Variants in GRM8 observed in about 807,000 individuals in gnomAD.
The protein encoded by GRM8 is metabotropic glutamate receptor 8.
GRM8 carries 47 observed loss-of-function variants against 87.2 expected under a neutral mutation model. That is an observed-to-expected ratio of 0.54 (90% confidence interval 0.43 to 0.69). GRM8 has a LOEUF of 0.69. Among genes scored for constraint, GRM8 ranks in the 30% least tolerant of loss-of-function variants. The pLI, the probability that GRM8 is intolerant of heterozygous loss-of-function variation, is 0.00. For missense variants in GRM8, 1,019 were observed against 1,139.2 expected (o/e 0.89, Z 1.52); for synonymous variants, 396 against 404.5 (o/e 0.98, Z 0.25).
chr7:126,533,054 A>T lies in GRM8; in HGVS notation c.2328T>A (p.Thr776=). 6.2e-7 allele frequency: 1 copy of T among 1,613,630 alleles called. No individual in the cohort carries two copies. The highest frequency in any genetic ancestry group is 1.1e-5 in the South Asian group (1 of 91,064). ...YAIKTRGVPE[T]FNEAKPIGFT... is the part of the protein sequence containing the mutation. ...ATCCAATAGGTTTGGCTTCATTGAA[A>T]GTCTCTGGGACACCTCTCGTTTTAA... Residue 776 remains threonine (T), a synonymous_variant, in exon 9 of 11, where the codon ACT becomes ACA. Transcript: ENST00000339582.
At chr7:126,971,157 TAAAAAA>T (rs71177581) in intron 3 of GRM8, among the ~76,000 whole-genome samples, 62 of 100,246 alleles carry the variant, frequency 6.2e-4, no homozygotes, top group Admixed American at 1.5e-3. Flanking sequence ...TTTCAATTTG[TAAAAAA>T]AAAAAAAAAA....
chr7:127,081,584 G>A (rs1234938882), intron 3 of GRM8, among the ~76,000 whole-genome samples: 1 of 151,984 alleles, frequency 6.6e-6, no homozygotes, highest in East Asian at 1.9e-4. Flanking sequence ...GCCTTCATGG[G>A]TAAACCCCCA....
intron 9 of GRM8, among the ~76,000 whole-genome samples, chr7:126,472,455 G>A (rs1019044536): frequency 1.3e-5 from 2 of 152,060 alleles, no homozygotes; most frequent in Non-Finnish European, 2.9e-5. Context: ...AAGCAGCAAG[G>A]CATTCAAGAT....
chr7:127,248,281 C>G (rs915744063), intron 1 of GRM8, among the ~76,000 whole-genome samples: 1 of 152,216 alleles, frequency 6.6e-6, no homozygotes, highest in Admixed American at 6.5e-5. Flanking sequence ...TAAAATACAA[C>G]TATGAGGATG....
chr7:126,663,799 A>T (rs1364774569), intron 7 of GRM8, among the ~76,000 whole-genome samples: 2 of 152,198 alleles, frequency 1.3e-5, no homozygotes, highest in Non-Finnish European at 2.9e-5. Context: ...CAGAGCAACC[A>T]GGCAAGAAAA....
At chr7:126,978,385 A>G (rs1226223806) in intron 3 of GRM8, among the ~76,000 whole-genome samples, 1 of 152,218 alleles carries the variant, frequency 6.6e-6, no homozygotes, top group Non-Finnish European at 1.5e-5. Flanking sequence ...TCAAATCAAT[A>G]ATATCCAAGA....
At chr7:126,955,959 A>T (rs1213920889) in intron 3 of GRM8, among the ~76,000 whole-genome samples, 5 of 152,072 alleles carry the variant, frequency 3.3e-5, no homozygotes, top group Non-Finnish European at 7.4e-5. Flanking sequence ...ATGTTTTTTT[A>T]AAAAAGAACT....
intron 6 of GRM8, among the ~76,000 whole-genome samples, chr7:126,892,202 T>G (rs1476792578): frequency 6.6e-6 from 1 of 152,032 alleles, no homozygotes; most frequent in African/African-American, 2.4e-5. Flanking sequence ...TGCAGGTTAT[T>G]TACATATGTA....
intron 6 of GRM8, among the ~76,000 whole-genome samples, chr7:126,871,982 T>C (rs1315745207): frequency 1.3e-5 from 2 of 152,156 alleles, no homozygotes; most frequent in African/African-American, 2.4e-5. Context: ...CTAAACATCC[T>C]TTATATTTTA....
rs553351884 is a variant in GRM8, at chr7:126,539,957, C to T, written c.1495-6070G>A. Among the ~76,000 whole-genome samples the T allele has an allele frequency of 3.3e-5, 5 of 152,006 alleles. No individual in the cohort carries two copies. The South Asian group carries it at 1.0e-3, about 32-fold the overall frequency. ...ACAAAAAAAATAAATTGCACTTCAT[C>T]TATGTTAAATAATTGTGTGGGTCAA... is the stretch of plus-strand genomic sequence containing the variant. On this transcript the variant is annotated intron_variant, in intron 8 of 10. Transcript: ENST00000339582.
intron 6 of GRM8, among the ~76,000 whole-genome samples, chr7:126,867,980 A>G (rs978522391): frequency 1.3e-5 from 2 of 152,244 alleles, no homozygotes; most frequent in African/African-American, 2.4e-5. Context: ...AATCAGAGAA[A>G]AAATGAAGTG....
intron 8 of GRM8, among the ~76,000 whole-genome samples, chr7:126,607,087 T>C (rs1459814044): frequency 1.3e-5 from 2 of 152,218 alleles, no homozygotes; most frequent in Non-Finnish European, 2.9e-5. Context: ...AACATTTCTG[T>C]CTTATTTCAT....
intron 3 of GRM8, among the ~76,000 whole-genome samples, chr7:127,028,661 T>A (rs1817047914): frequency 6.6e-6 from 1 of 152,228 alleles, no homozygotes; most frequent in African/African-American, 2.4e-5. Context: ...TTTGTATTTC[T>A]GTGGGATTGG....
chr7:126,924,474 A>G (rs753517822), intron 3 of GRM8, among the ~76,000 whole-genome samples: 40 of 152,180 alleles, frequency 2.6e-4, no homozygotes, highest in Non-Finnish European at 5.6e-4. Context: ...AACTCGTGCA[A>G]CATCAGGTTG....
chr7:126,457,015 A>G (rs1803324437), intron 9 of GRM8, among the ~76,000 whole-genome samples: 1 of 151,564 alleles, frequency 6.6e-6, no homozygotes, highest in Non-Finnish European at 1.5e-5. Context: ...ACATAAATGT[A>G]TTGAAGAAAA....
At chr7:126,972,804 G>T (rs966294944) in intron 3 of GRM8, among the ~76,000 whole-genome samples, 3 of 152,198 alleles carry the variant, frequency 2.0e-5, no homozygotes, top group Admixed American at 6.5e-5. Flanking sequence ...ATGGGGAATT[G>T]TAATCCATTC....
At chr7:126,650,714 A>C (rs1226917996) in intron 7 of GRM8, among the ~76,000 whole-genome samples, 1 of 151,616 alleles carries the variant, frequency 6.6e-6, no homozygotes, top group Non-Finnish European at 1.5e-5. Flanking sequence ...ATCCCAAGTG[A>C]GCGCTCACCA....
chr7:126,698,486 T>A (rs889032205), intron 7 of GRM8, among the ~76,000 whole-genome samples: 9 of 152,188 alleles, frequency 5.9e-5, no homozygotes, highest in Admixed American at 5.2e-4. Context: ...TATCAGTGCA[T>A]GTGTGCTACT....
At chr7:126,835,869 C>T (rs1166956698) in intron 6 of GRM8, among the ~76,000 whole-genome samples, 2 of 152,118 alleles carry the variant, frequency 1.3e-5, no homozygotes, top group African/African-American at 2.4e-5. Context: ...CTTTAAAATA[C>T]ACACAGAAAC....
Sources: allele counts gnomAD v4.1 joint callset (sites outside exome capture counted in the v4.1 genomes callset), GRCh38; gene constraint gnomAD v4.1.1; transcripts MANE v1.5; gene names NCBI Gene and HGNC (gene_info 2026-07-23, HGNC 2026-07-21).